Variants in ARHGEF10 observed in about 807,000 individuals in gnomAD.
ARHGEF10 encodes the protein Rho guanine nucleotide exchange factor (GEF) 10.
Under a neutral mutation model 147.4 loss-of-function variants are expected in ARHGEF10, and 140 were observed. The ratio of observed to expected loss-of-function variants is 0.95; its 90% CI spans 0.83 to 1.09. ARHGEF10 has a LOEUF of 1.09. Ranked by LOEUF, ARHGEF10 falls within the 50% of genes least tolerant of loss-of-function variation. ARHGEF10 has a pLI of 0.00. For missense variants in ARHGEF10, 2,222 were observed against 1,752.7 expected (o/e 1.27, Z -4.78); for synonymous variants, 902 against 695.8 (o/e 1.30, Z -4.67).
At chr8:1,931,558 AGCGTGCGAGGCAGCCTGCG>A (rs1813148529) in intron 25 of ARHGEF10, among the ~76,000 whole-genome samples, 1 of 151,502 alleles carries the variant, frequency 6.6e-6, no homozygotes, top group African/African-American at 2.4e-5. Flanking sequence ...ACCGTGTGGG[AGCGTGCGAGGCAGCCTGCG>A]CAGAAGCGCA....
At chr8:1,924,427 TATACAC>T (rs906493077) in intron 21 of ARHGEF10, among the ~76,000 whole-genome samples, 1 of 152,260 alleles carries the variant, frequency 6.6e-6, no homozygotes, top group Admixed American at 6.5e-5. Flanking sequence ...GTAATGTACT[TATACAC>T]ATGCTTACAG....
At chr8:1,843,485 C>T (rs1415594441) in intron 2 of ARHGEF10, 49 bp downstream of exon 2, 2 of 1,436,060 alleles carry the variant, frequency 1.4e-6, no homozygotes, top group Non-Finnish European at 2.0e-6. Flanking sequence ...TGCTGCTGCT[C>T]TCATCAAGGA....
rs186010015 is a variant in ARHGEF10 at position 1,832,327 on chromosome 8, C to T, written c.-48+8214C>T. Among the ~76,000 whole-genome samples, 236 of 151,738 alleles carry T rather than the reference C, an allele frequency of 1.6e-3. 2 individuals are homozygous for T. The highest frequency in any genetic ancestry group is 5.0e-3 in the African/African-American group (205 of 41,240). ...ACAGAGAGACAGGCAGAGGCAGAGACAGAGACAGAGGGAGAGAGAGACAGA... is the reference window on the plus strand; with the variant it reads ...ACAGAGAGACAGGCAGAGGCAGAGATAGAGACAGAGGGAGAGAGAGACAGA... On this transcript the variant is annotated intron_variant, in intron 1 of 28. Coordinates refer to ENST00000349830, the MANE Select transcript of ARHGEF10 (RefSeq NM_014629.4).
At chr8:1,910,974 A>G (rs1446029401) in intron 18 of ARHGEF10, among the ~76,000 whole-genome samples, 3 of 152,222 alleles carry the variant, frequency 2.0e-5, no homozygotes, top group East Asian at 1.9e-4. Flanking sequence ...TTCAGTTAGC[A>G]ATGTGAAAAA....
rs549350058 is a variant in ARHGEF10 at position 1,864,301 on chromosome 8, G to A, written c.482-72G>A. The A allele has an allele frequency of 2.1e-5, 31 of 1,457,056 alleles. No homozygotes were observed. In the South Asian group the frequency reaches 3.3e-4, roughly 16 times the overall value. The allele number at this position is 1,457,056 out of a possible 1,614,324, so 90.3% of individuals were successfully genotyped here. A position where few individuals can be genotyped will look rare whatever the true frequency, so the allele number is the denominator to read the frequency against. On this transcript the variant is annotated intron_variant, in intron 4 of 28. Transcript: ENST00000349830. ...TAGGAAAGTGTGAAACCATTTTTAA[G>A]GGTAAAAACATCAACTTCATGAGCA...
intron 25 of ARHGEF10, 117 bp downstream of exon 25, chr8:1,929,560 G>C (rs111291567): frequency 8.0e-7 from 1 of 1,254,322 alleles, no homozygotes; most frequent in African/African-American, 1.6e-5. Flanking sequence ...CTGTGCCTCC[G>C]CCCCTGCGCT....
At chr8:1,878,551 C>T (rs1224348148) in intron 8 of ARHGEF10, among the ~76,000 whole-genome samples, 1 of 152,172 alleles carries the variant, frequency 6.6e-6, no homozygotes. Context: ...GAGTCAGACA[C>T]TTGATTTAAA....
At chr8:1,859,692 C>T (rs868746925) in intron 3 of ARHGEF10, among the ~76,000 whole-genome samples, 4 of 152,326 alleles carry the variant, frequency 2.6e-5, no homozygotes, top group Middle Eastern at 3.4e-3. Flanking sequence ...AGGCTGCATC[C>T]GTCTCACCTG....
chr8:1,880,890 G>A (rs1311203127), intron 9 of ARHGEF10, among the ~76,000 whole-genome samples: 4 of 152,208 alleles, frequency 2.6e-5, no homozygotes, highest in Non-Finnish European at 5.9e-5. Flanking sequence ...CCGCCCTGTT[G>A]TGCTTGGGCC....
intron 18 of ARHGEF10, among the ~76,000 whole-genome samples, chr8:1,914,790 A>T (rs1811634240): frequency 6.6e-6 from 1 of 152,040 alleles, no homozygotes; most frequent in Non-Finnish European, 1.5e-5. Flanking sequence ...TGGCGTGTGG[A>T]TTTGCAGGTC....
intron 26 of ARHGEF10, among the ~76,000 whole-genome samples, chr8:1,939,078 C>T (rs1813864498): frequency 6.6e-6 from 1 of 152,066 alleles, no homozygotes; most frequent in Non-Finnish European, 1.5e-5. Context: ...GAATCTCAGT[C>T]CCCAGACACC....
At chr8:1,826,239 T>C (rs1328094460) in intron 1 of ARHGEF10, 29 of 1,102,318 alleles carry the variant, frequency 2.6e-5, no homozygotes, top group Non-Finnish European at 2.6e-6. Context: ...TTTTATGTTT[T>C]TAAAAGTTGA....
intron 17 of ARHGEF10, among the ~76,000 whole-genome samples, chr8:1,907,994 C>G (rs1811038286): frequency 6.6e-6 from 1 of 152,108 alleles, no homozygotes. Context: ...TTCTGTTTTT[C>G]TAAATTGGAG....
intron 2 of ARHGEF10, among the ~76,000 whole-genome samples, chr8:1,844,667 C>T (rs1250132831): frequency 6.6e-6 from 1 of 152,130 alleles, no homozygotes; most frequent in Non-Finnish European, 1.5e-5. Context: ...CTGGGGGTGA[C>T]GTCGGCCGGT....
chr8:1,845,821 G>A (rs781513442), intron 2 of ARHGEF10, among the ~76,000 whole-genome samples: 2 of 152,190 alleles, frequency 1.3e-5, no homozygotes, highest in African/African-American at 4.8e-5. Flanking sequence ...ACTCCACTTT[G>A]TGTGTAGTTG....
At chr8:1,853,615 C>T (rs746389146) in intron 2 of ARHGEF10, among the ~76,000 whole-genome samples, 5 of 152,240 alleles carry the variant, frequency 3.3e-5, no homozygotes, top group Admixed American at 6.5e-5. Context: ...CGACCCAGCC[C>T]AGCTTGCCTG....
chr8:1,900,781 T>C (rs1810389868), intron 15 of ARHGEF10, among the ~76,000 whole-genome samples: 1 of 152,196 alleles, frequency 6.6e-6, no homozygotes, highest in East Asian at 1.9e-4. Context: ...TTCAGTGTGC[T>C]CTTCCAGATC....
At chr8:1,826,130 T>C in intron 1 of ARHGEF10, 1 of 1,594,498 alleles carries the variant, frequency 6.3e-7, no homozygotes, top group Non-Finnish European at 8.5e-7. Flanking sequence ...CCAGGATTTC[T>C]CAGCAGTAAG....
chr8:1,837,681 AGT>A (rs1352132343), intron 1 of ARHGEF10, among the ~76,000 whole-genome samples: 1 of 152,088 alleles, frequency 6.6e-6, no homozygotes, highest in Non-Finnish European at 1.5e-5. Context: ...AAGGGGGAAG[AGT>A]GTGCTTCTGG....
Sources: allele counts gnomAD v4.1 joint callset (sites outside exome capture counted in the v4.1 genomes callset), GRCh38; gene constraint gnomAD v4.1.1; transcripts MANE v1.5; gene names NCBI Gene and HGNC (gene_info 2026-07-23, HGNC 2026-07-21).